The following UMAD1 variants were observed in gnomAD, a reference collection of about 807,000 sequenced individuals.
The protein encoded by UMAD1 is UBAP1-MVB12-associated (UMA)-domain containing protein 1.
Under a neutral mutation model 6.1 loss-of-function variants are expected in UMAD1, and 8 were observed. That is an observed-to-expected ratio of 1.30 (90% CI 0.76 to 2.35). UMAD1 has a LOEUF of 2.35. Ranked by LOEUF, UMAD1 falls within the 30% of genes most tolerant of loss-of-function variation. The pLI, the probability that UMAD1 is intolerant of heterozygous loss-of-function variation, is 0.00. For missense variants in UMAD1, 130 were observed against 78.4 expected, an observed-to-expected ratio of 1.66 and a Z score of -2.49; for synonymous variants, 56 against 31.4, an observed-to-expected ratio of 1.78 and a Z score of -2.61.
At chr7:7,772,459 G>C (rs1431159865) in intron 2 of UMAD1, 3 of 152,160 alleles carry the variant, frequency 2.0e-5, no homozygotes, top group Non-Finnish European at 4.4e-5. Context: ...CATCTGGTAA[G>C]TTAATATATA....
intron 2 of UMAD1, among the ~76,000 whole-genome samples, chr7:7,716,286 G>T (rs976172255): frequency 1.1e-4 from 16 of 152,268 alleles, no homozygotes; most frequent in African/African-American, 3.9e-4. Context: ...ACAATGCCAA[G>T]AAAAATTGTA....
chr7:7,731,210 C>T (rs1224233173), intron 2 of UMAD1, among the ~76,000 whole-genome samples: 1 of 152,042 alleles, frequency 6.6e-6, no homozygotes, highest in Non-Finnish European at 1.5e-5. Flanking sequence ...CCATGTTGGC[C>T]AGGATGGTTT....
chr7:7,803,626 A>G (rs1252895087), intron 3 of UMAD1, among the ~76,000 whole-genome samples: 3 of 152,044 alleles, frequency 2.0e-5, no homozygotes, highest in Non-Finnish European at 2.9e-5. Flanking sequence ...GAACAACAGA[A>G]ATTTATTTCT....
chr7:7,738,448 G>A lies in UMAD1; in HGVS notation c.83-63222G>A, dbSNP rs1240966776. 2.6e-5 allele frequency: 4 copies of A among 152,182 alleles called. No individual in the cohort carries two copies. In the East Asian group the frequency reaches 7.7e-4, roughly 29 times the overall value. The allele number at this position is 152,182 out of a possible 1,614,324, so 9.4% of individuals were successfully genotyped here. A position where few individuals can be genotyped will look rare whatever the true frequency, so the allele number is the denominator to read the frequency against. On this transcript the variant is annotated intron_variant, in intron 2 of 3. Transcript: ENST00000682710. ...ACCTGGTGATGTTTAATGGACTATTGTTCAAAGTTGTTGGACTAAGTTGTT... is the reference window on the plus strand; with the variant it reads ...ACCTGGTGATGTTTAATGGACTATTATTCAAAGTTGTTGGACTAAGTTGTT...
chr7:7,719,741 A>G (rs1056527262), intron 2 of UMAD1, among the ~76,000 whole-genome samples: 3 of 152,200 alleles, frequency 2.0e-5, no homozygotes, highest in Non-Finnish European at 4.4e-5. Context: ...GATGAGAAGA[A>G]TAATGTGGAA....
intron 2 of UMAD1, among the ~76,000 whole-genome samples, chr7:7,764,902 T>A (rs150535750): frequency 1.7e-4 from 26 of 152,276 alleles, no homozygotes; most frequent in African/African-American, 5.5e-4. Context: ...CTTCCTTCCC[T>A]GTATGTACCT....
intron 3 of UMAD1, among the ~76,000 whole-genome samples, chr7:7,831,195 T>G (rs1401576472): frequency 2.0e-5 from 3 of 152,216 alleles, no homozygotes; most frequent in African/African-American, 7.2e-5. Context: ...TACTCTGTTT[T>G]AGCCTCTAAC....
At chr7:7,673,963 A>G (rs888467193) in intron 2 of UMAD1, among the ~76,000 whole-genome samples, 7 of 152,182 alleles carry the variant, frequency 4.6e-5, no homozygotes, top group African/African-American at 1.7e-4. Flanking sequence ...TTTAAAAAAT[A>G]TTTCTTACAA....
chr7:7,799,057 A>G (rs917052118), intron 2 of UMAD1, among the ~76,000 whole-genome samples: 2 of 152,224 alleles, frequency 1.3e-5, no homozygotes, highest in Non-Finnish European at 2.9e-5. Context: ...ACCTTATTTC[A>G]TATTTCTCAT....
intron 3 of UMAD1, among the ~76,000 whole-genome samples, chr7:7,854,355 CAA>C (rs34829393): frequency 5.5e-4 from 27 of 49,166 alleles, no homozygotes; most frequent in East Asian, 1.8e-3. Context: ...AGCTCCATCT[CAA>C]AAAAAAAAAA....
At chr7:7,671,474 T>C (rs1779603350) in intron 1 of UMAD1, among the ~76,000 whole-genome samples, 2 of 152,240 alleles carry the variant, frequency 1.3e-5, no homozygotes, top group Admixed American at 6.5e-5. Context: ...GATCCTTAGC[T>C]GAGGCTGAGT....
intron 3 of UMAD1, among the ~76,000 whole-genome samples, chr7:7,833,755 C>G (rs1783508576): frequency 6.6e-6 from 1 of 152,080 alleles, no homozygotes; most frequent in Admixed American, 6.5e-5. Flanking sequence ...TATACAAAAC[C>G]ATAGTTCTAT....
At chr7:7,717,644 C>T (rs949345864) in intron 2 of UMAD1, among the ~76,000 whole-genome samples, 5 of 152,164 alleles carry the variant, frequency 3.3e-5, no homozygotes, top group Non-Finnish European at 7.4e-5. Context: ...TTTAATTCAT[C>T]TGTTTTTCCC....
intron 2 of UMAD1, among the ~76,000 whole-genome samples, chr7:7,737,135 A>G (rs755381745): frequency 9.2e-5 from 14 of 152,358 alleles, no homozygotes; most frequent in Non-Finnish European, 2.1e-4. Flanking sequence ...TACAAATTAT[A>G]TATAATTTCT....
At chr7:7,840,473 T>A (rs1783658652) in intron 3 of UMAD1, among the ~76,000 whole-genome samples, 1 of 101,772 alleles carries the variant, frequency 9.8e-6, no homozygotes, top group South Asian at 3.0e-4. Context: ...GTAGCGTGCA[T>A]TTAGGTTCAC....
At chr7:7,864,349 G>C (rs1222277643) in intron 3 of UMAD1, among the ~76,000 whole-genome samples, 1 of 152,038 alleles carries the variant, frequency 6.6e-6, no homozygotes, top group Non-Finnish European at 1.5e-5. Flanking sequence ...ATAAAGACAA[G>C]TAAGAACATT....
intron 1 of UMAD1, among the ~76,000 whole-genome samples, chr7:7,663,023 C>A (rs1432087476): frequency 6.6e-6 from 1 of 151,796 alleles, no homozygotes; most frequent in African/African-American, 2.4e-5. Context: ...GCCTTTTTTG[C>A]CTGTAGCCCA....
At chr7:7,765,942 G>A (rs1781975614) in intron 2 of UMAD1, among the ~76,000 whole-genome samples, 1 of 152,094 alleles carries the variant, frequency 6.6e-6, no homozygotes, top group Non-Finnish European at 1.5e-5. Flanking sequence ...CAACAAAGTA[G>A]TCCTTGTATA....
At chr7:7,646,754 G>A (rs1015254694) in intron 1 of UMAD1, among the ~76,000 whole-genome samples, 8 of 151,816 alleles carry the variant, frequency 5.3e-5, no homozygotes, top group South Asian at 2.1e-4. Context: ...CTCTCTGACC[G>A]TCCCCAGCCA....
Sources: allele counts gnomAD v4.1 joint callset (sites outside exome capture counted in the v4.1 genomes callset), GRCh38; gene constraint gnomAD v4.1.1; transcripts MANE v1.5; gene names NCBI Gene and HGNC (gene_info 2026-07-23, HGNC 2026-07-21).